The following PSTPIP2 variants were observed in gnomAD, a reference collection of about 807,000 sequenced individuals.
The protein encoded by PSTPIP2 is proline-serine-threonine phosphatase-interacting protein 2.
PSTPIP2 carries 33 observed loss-of-function variants against 63.3 expected under a neutral mutation model. The ratio of observed to expected loss-of-function variants is 0.52; its 90% CI spans 0.40 to 0.70. The LOEUF (loss-of-function observed/expected upper bound fraction) is 0.70, where lower values mean the gene tolerates loss of function less well. PSTPIP2 is among the 30% of genes least tolerant of loss of function. The pLI is 0.00. For synonymous variants in PSTPIP2, 125 were observed against 132.7 expected, an observed-to-expected ratio of 0.94 and a Z score of 0.40; for missense variants, 312 against 400.7, an observed-to-expected ratio of 0.78 and a Z score of 1.89.
chr18:46,063,065 T>C (rs1909046329), intron 1 of PSTPIP2, among the ~76,000 whole-genome samples: 1 of 152,226 alleles, frequency 6.6e-6, no homozygotes, highest in South Asian at 2.1e-4. Context: ...TGCAGTGGTG[T>C]AATCACGGCT....
intron 2 of PSTPIP2, 44 bp downstream of exon 2, chr18:46,039,903 C>T: frequency 6.7e-7 from 1 of 1,495,894 alleles, no homozygotes; most frequent in East Asian, 2.3e-5. Flanking sequence ...TGTGTGGAGA[C>T]ATCTTGGCCC....
intron 1 of PSTPIP2, among the ~76,000 whole-genome samples, chr18:46,066,558 T>C (rs1909196602): frequency 6.6e-6 from 1 of 152,172 alleles, no homozygotes; most frequent in Non-Finnish European, 1.5e-5. Flanking sequence ...CTTCAACAAG[T>C]TGCTGTGTTT....
At chr18:46,041,196 C>G in intron 1 of PSTPIP2, 1 of 390,980 alleles carries the variant, frequency 2.6e-6, no homozygotes, top group South Asian at 1.9e-5. Context: ...AACATGCTCT[C>G]CGTGGTCACT....
chr18:46,070,824 T>G (rs1055872190), intron 1 of PSTPIP2, among the ~76,000 whole-genome samples: 2 of 152,206 alleles, frequency 1.3e-5, no homozygotes, highest in Admixed American at 6.5e-5. Flanking sequence ...CTGAACTAAA[T>G]ACTGTTAGTA....
chr18:46,070,181 G>A (rs28372325), intron 1 of PSTPIP2, among the ~76,000 whole-genome samples: 20,432 of 152,132 alleles, frequency 0.13, 1,797 homozygotes, highest in East Asian at 0.39. Flanking sequence ...ATGCTGTTCG[G>A]TAAGCTCTCA....
chr18:46,072,105 G>A (rs1169379212), intron 1 of PSTPIP2, 51 bp downstream of exon 1: 15 of 1,513,114 alleles, frequency 9.9e-6, no homozygotes, highest in East Asian at 2.8e-5. Flanking sequence ...TTGGCCTCCC[G>A]CCCGGGCCGG....
At chr18:45,989,519 A>T (rs2051501642) in intron 13 of PSTPIP2, 1 of 159,144 alleles carries the variant, frequency 6.3e-6, no homozygotes, top group Admixed American at 6.5e-5. Flanking sequence ...GTATGTCTTT[A>T]TCAGCAGCAT....
chr18:46,019,399 C>T (rs550265387), intron 3 of PSTPIP2, among the ~76,000 whole-genome samples: 3 of 152,256 alleles, frequency 2.0e-5, no homozygotes, highest in African/African-American at 4.8e-5. Flanking sequence ...TGAACATTTG[C>T]GCCAGTTATT....
chr18:46,024,534 C>T, intron 3 of PSTPIP2, 75 bp downstream of exon 3: 2 of 1,302,538 alleles, frequency 1.5e-6, no homozygotes, highest in Non-Finnish European at 2.2e-6. Flanking sequence ...CTCCTGGTAA[C>T]TCTGTCTGCT....
intron 3 of PSTPIP2, among the ~76,000 whole-genome samples, chr18:46,016,859 C>T (rs10502871): frequency 0.24 from 36,398 of 152,046 alleles, 5,175 homozygotes; most frequent in East Asian, 0.41. Context: ...GCTTTAACTC[C>T]GATTATCCTT....
rs1335549881 is a variant in PSTPIP2 at position 46,067,445 on chromosome 18, G to A, written c.33+4711C>T. Among the ~76,000 whole-genome samples the A allele has an allele frequency of 2.0e-5, 3 of 150,392 alleles. 1 individual carries two copies. In the South Asian group the frequency reaches 6.3e-4, roughly 31 times the overall value. On this transcript the variant is annotated intron_variant, in intron 1 of 14. Transcript: ENST00000409746. ...GTGAACCCAGGAGGCAGAGCTTGCA[G>A]TGACCCGAGATCGCACCACTGGACT...
At chr18:46,028,142 C>T (rs1337899495) in intron 2 of PSTPIP2, among the ~76,000 whole-genome samples, 1 of 152,234 alleles carries the variant, frequency 6.6e-6, no homozygotes, top group Non-Finnish European at 1.5e-5. Flanking sequence ...GCCCGGGCGA[C>T]AGAGTGAGAC....
chr18:46,055,959 T>C (rs1908742199), intron 1 of PSTPIP2, among the ~76,000 whole-genome samples: 1 of 152,180 alleles, frequency 6.6e-6, no homozygotes, highest in Non-Finnish European at 1.5e-5. Context: ...AAACCGAGTA[T>C]TTTTAGACTG....
In PSTPIP2 at chr18:46,050,370, G is replaced by A. The variant is rs1191660589; in HGVS notation, c.34-10323C>T. Among the ~76,000 whole-genome samples the A allele has an allele frequency of 2.6e-5, 4 of 151,992 alleles. No individual in the cohort carries two copies. In the East Asian group the frequency reaches 7.7e-4, roughly 29 times the overall value. On this transcript the variant is annotated intron_variant, in intron 1 of 14. Transcript: ENST00000409746. ...GGTTCACTTGAGCCCAGGAGTTCGC[G>A]ACAAGCCTAAGAAACATGGCAAAAC...
intron 1 of PSTPIP2, chr18:46,041,057 TC>T (rs1908175008): frequency 2.2e-6 from 1 of 458,164 alleles, no homozygotes; most frequent in African/African-American, 2.0e-5. Context: ...TGATAGCTCT[TC>T]CTACCACCAG....
intron 2 of PSTPIP2, chr18:46,028,572 G>A: frequency 5.4e-6 from 4 of 745,200 alleles, no homozygotes; most frequent in East Asian, 7.2e-5. Context: ...AGACTTGGGA[G>A]ACTCAGAAGC....
chr18:46,054,423 T>C (rs760877021), intron 1 of PSTPIP2, among the ~76,000 whole-genome samples: 3 of 152,162 alleles, frequency 2.0e-5, no homozygotes, highest in Non-Finnish European at 4.4e-5. Flanking sequence ...GATACAATAA[T>C]TGTGGATATA....
intron 3 of PSTPIP2, among the ~76,000 whole-genome samples, chr18:46,021,508 T>C (rs1249964812): frequency 6.6e-6 from 1 of 151,470 alleles, no homozygotes; most frequent in African/African-American, 2.4e-5. Context: ...GAAAGAAATA[T>C]AAACATAAAA....
chr18:46,049,701 G>A (rs568568590), intron 1 of PSTPIP2, among the ~76,000 whole-genome samples: 23 of 152,250 alleles, frequency 1.5e-4, no homozygotes, highest in Middle Eastern at 6.8e-3. Flanking sequence ...CCAACATGGC[G>A]AAACCCCGTC....
Sources: allele counts gnomAD v4.1 joint callset (sites outside exome capture counted in the v4.1 genomes callset), GRCh38; gene constraint gnomAD v4.1.1; transcripts MANE v1.5; gene names NCBI Gene and HGNC (gene_info 2026-07-23, HGNC 2026-07-21).